POFUT3: variants seen among roughly 807,000 people sequenced by gnomAD.
The protein encoded by POFUT3 is protein O-fucosyltransferase 3.
chr8:33,393,194 A>C, the POFUT3 span, among the ~76,000 whole-genome samples: 1 of 152,206 alleles, frequency 6.6e-6, no homozygotes, highest in Non-Finnish European at 1.5e-5. Context: ...AGAGGAATGA[A>C]AATCAATTAA....
chr8:33,423,909 CG>C, the POFUT3 span, among the ~76,000 whole-genome samples: 1 of 145,764 alleles, frequency 6.9e-6, no homozygotes, highest in African/African-American at 2.5e-5. Flanking sequence ...GAGGCCAAAG[CG>C]GGTGGATCAT....
the POFUT3 span, among the ~76,000 whole-genome samples, chr8:33,403,082 T>A: frequency 2.6e-5 from 4 of 151,992 alleles, no homozygotes; most frequent in South Asian, 4.2e-4. Context: ...ATTGTTTTCA[T>A]CAAATTTTTA....
the POFUT3 span, among the ~76,000 whole-genome samples, chr8:33,368,067 A>G: frequency 2.6e-5 from 4 of 152,192 alleles, no homozygotes; most frequent in African/African-American, 9.7e-5. Flanking sequence ...GCATTAATCA[A>G]TTCCAGTTCT....
At chr8:33,467,086 A>G in the POFUT3 span, among the ~76,000 whole-genome samples, 2 of 151,712 alleles carry the variant, frequency 1.3e-5, no homozygotes, top group Non-Finnish European at 2.9e-5. Context: ...AGCCTGGGCT[A>G]CAGAGCGAGA....
the POFUT3 span, chr8:33,436,505 T>C: frequency 8.1e-7 from 1 of 1,232,386 alleles, no homozygotes; most frequent in East Asian, 2.4e-5. Context: ...GCTTCCACAC[T>C]GATGTTTACC....
At chr8:33,358,023 G>C in the POFUT3 span, among the ~76,000 whole-genome samples, 1 of 152,196 alleles carries the variant, frequency 6.6e-6, no homozygotes, top group African/African-American at 2.4e-5. Context: ...AAGGCGGGCA[G>C]ATCACTTGAG....
chr8:33,322,116 TTCAAGAG>T, the POFUT3 span, among the ~76,000 whole-genome samples: 1 of 152,100 alleles, frequency 6.6e-6, no homozygotes, highest in East Asian at 1.9e-4. Flanking sequence ...ATCATTTGGT[TTCAAGAG>T]TCAGGACTGA....
At chr8:33,436,543 C>T in the POFUT3 span, 8 of 981,366 alleles carry the variant, frequency 8.2e-6, no homozygotes, top group African/African-American at 6.4e-5. Flanking sequence ...GTGCAGGTTG[C>T]GTATGGCATC....
At chr8:33,395,719 T>C in the POFUT3 span, among the ~76,000 whole-genome samples, 3 of 152,138 alleles carry the variant, frequency 2.0e-5, no homozygotes, top group African/African-American at 7.2e-5. Flanking sequence ...AAAAGAGCAC[T>C]GATTGTAACA....
chr8:33,389,114 T>C, the POFUT3 span: 1 of 1,614,208 alleles, frequency 6.2e-7, no homozygotes, highest in African/African-American at 1.3e-5. Flanking sequence ...ACCCTTCAGC[T>C]TCCATTCTAC....
the POFUT3 span, among the ~76,000 whole-genome samples, chr8:33,324,376 T>A: frequency 2.0e-5 from 3 of 152,166 alleles, no homozygotes; most frequent in African/African-American, 7.2e-5. Context: ...CTCGATATTG[T>A]AATAGAACAT....
the POFUT3 span, among the ~76,000 whole-genome samples, chr8:33,342,332 A>G: frequency 6.6e-6 from 1 of 152,050 alleles, no homozygotes; most frequent in Admixed American, 6.6e-5. Context: ...ACTCCAGCCT[A>G]TCTGACAGAG....
the POFUT3 span, chr8:33,389,118 A>T: frequency 6.2e-7 from 1 of 1,614,168 alleles, no homozygotes; most frequent in Non-Finnish European, 8.5e-7. Context: ...TTCAGCTTCC[A>T]TTCTACATAG....
the POFUT3 span, among the ~76,000 whole-genome samples, chr8:33,469,326 A>T: frequency 6.6e-6 from 1 of 152,272 alleles, no homozygotes; most frequent in East Asian, 1.9e-4. Context: ...CAAAAACAAA[A>T]ACAAAAACAA....
At chr8:33,444,949 T>TTTTTG in the POFUT3 span, among the ~76,000 whole-genome samples, 1 of 149,578 alleles carries the variant, frequency 6.7e-6, no homozygotes, top group Non-Finnish European at 1.5e-5. Context: ...TTTTTTTTTT[T>TTTTTG]TTGAGATAGG....
chr8:33,465,168 G>A, the POFUT3 span, among the ~76,000 whole-genome samples: 5 of 152,174 alleles, frequency 3.3e-5, no homozygotes, highest in South Asian at 8.3e-4. Context: ...ATGTGCAGAA[G>A]CAATTTATTA....
the POFUT3 span, among the ~76,000 whole-genome samples, chr8:33,373,561 G>A: frequency 6.6e-6 from 1 of 152,016 alleles, no homozygotes; most frequent in Admixed American, 6.6e-5. Flanking sequence ...CTGATCCTCT[G>A]CAGGCTACAC....
the POFUT3 span, among the ~76,000 whole-genome samples, chr8:33,374,010 T>A: frequency 6.6e-6 from 1 of 152,156 alleles, no homozygotes; most frequent in Non-Finnish European, 1.5e-5. Context: ...CATGAACCAG[T>A]ACTGTTCCCT....
chr8:33,365,347 G>C, the POFUT3 span, among the ~76,000 whole-genome samples: 34 of 151,912 alleles, frequency 2.2e-4, no homozygotes, highest in African/African-American at 8.2e-4. Context: ...ACATACGCAT[G>C]GGCAAGGACT....
Sources: gnomAD v4.1 joint callset for allele counts (sites outside exome capture counted in the v4.1 genomes callset) on GRCh38, gnomAD v4.1.1 for gene constraint, MANE v1.5 for transcripts, NCBI Gene and HGNC (gene_info 2026-07-23, HGNC 2026-07-21) for gene names.